EFL1: variants seen among roughly 807,000 people sequenced by gnomAD.
The protein encoded by EFL1 is elongation factor-like GTPase 1.
EFL1 carries 76 observed loss-of-function variants against 126.7 expected under a neutral mutation model. The observed-to-expected ratio is 0.60, with a 90% CI of 0.50 to 0.73. EFL1 has a LOEUF of 0.73. EFL1 is among the 30% of genes least tolerant of loss of function. EFL1 has a pLI of 0.00. For synonymous variants in EFL1, 410 were observed against 448.4 expected, an observed-to-expected ratio of 0.91 and a Z score of 1.08; for missense variants, 1,128 against 1,343.2, an observed-to-expected ratio of 0.84 and a Z score of 2.50.
chr15:82,148,700 C>T (rs2073875258), intron 18 of EFL1, among the ~76,000 whole-genome samples: 1 of 152,060 alleles, frequency 6.6e-6, no homozygotes, highest in Non-Finnish European at 1.5e-5. Flanking sequence ...TCTCCAGGAC[C>T]AGAATTATAT....
chr15:82,136,935 T>C (rs376494708), intron 19 of EFL1, among the ~76,000 whole-genome samples: 4 of 152,260 alleles, frequency 2.6e-5, no homozygotes, highest in African/African-American at 4.8e-5. Context: ...TAAATTACTG[T>C]TAAAACCTAG....
At chr15:82,228,972 C>G in intron 9 of EFL1, 62 bp downstream of exon 9, 1 of 1,387,732 alleles carries the variant, frequency 7.2e-7, no homozygotes, top group Non-Finnish European at 9.9e-7. Flanking sequence ...ACTCATCAAA[C>G]TGGAAAGTGA....
chr15:82,237,767 A>C (rs1354474738), intron 7 of EFL1, among the ~76,000 whole-genome samples: 1 of 151,444 alleles, frequency 6.6e-6, no homozygotes, highest in African/African-American at 2.4e-5. Context: ...AAAACACCAG[A>C]TGTCCTTTAA....
At chr15:82,138,603 A>G (rs2073750107) in intron 19 of EFL1, 55 bp downstream of exon 19, 2 of 1,583,106 alleles carry the variant, frequency 1.3e-6, no homozygotes, top group South Asian at 2.3e-5. Context: ...CCTCCTCTGT[A>G]GGGAATGTAT....
At chr15:82,240,329 T>A in intron 6 of EFL1, 89 bp downstream of exon 6, 1 of 1,319,486 alleles carries the variant, frequency 7.6e-7, no homozygotes, top group South Asian at 1.5e-5. Context: ...AAGTTCCCTT[T>A]TCTGTAGCAA....
intron 19 of EFL1, among the ~76,000 whole-genome samples, chr15:82,130,930 A>G (rs1379032050): frequency 6.6e-6 from 1 of 152,072 alleles, no homozygotes; most frequent in East Asian, 1.9e-4. Context: ...CAGAAGAATC[A>G]CTTGAACTCG....
chr15:82,182,733 G>A (rs1244762186), intron 15 of EFL1, among the ~76,000 whole-genome samples: 1 of 151,978 alleles, frequency 6.6e-6, no homozygotes, highest in East Asian at 1.9e-4. Context: ...TCTGAGGCAG[G>A]AGAATGGCAT....
At chr15:82,218,678 C>G (rs1001259294) in intron 14 of EFL1, among the ~76,000 whole-genome samples, 49 of 152,138 alleles carry the variant, frequency 3.2e-4, no homozygotes, top group African/African-American at 1.0e-3. Flanking sequence ...CTTTCAGACT[C>G]CCATAAAACA....
Position 82,252,843 on chromosome 15 carries a change from T to C in EFL1, c.160-68A>G, listed in dbSNP as rs1215234833. The C allele has an allele frequency of 5.8e-4, 580 of 996,268 alleles. 4 individuals carry two copies. Among genetic ancestry groups the C allele is most frequent in the East Asian group, 5.2e-5 (2 of 38,536 alleles). The allele number at this position is 996,268 out of a possible 1,614,324, so 61.7% of individuals were successfully genotyped here. A position where few individuals can be genotyped will look rare whatever the true frequency, so the allele number is the denominator to read the frequency against. On this transcript the variant is annotated intron_variant, in intron 3 of 19. Coordinates refer to ENST00000268206, the MANE Select transcript of EFL1 (RefSeq NM_024580.6). Reference sequence around the variant, plus strand: ...AAAATGTAACATTAAAATTTGCTAATTTAGATTTTTGTTTTAAATACTTAT... The same window carrying C: ...AAAATGTAACATTAAAATTTGCTAACTTAGATTTTTGTTTTAAATACTTAT...
chr15:82,248,457 A>G (rs1042791606), intron 4 of EFL1, among the ~76,000 whole-genome samples: 3 of 152,272 alleles, frequency 2.0e-5, no homozygotes, highest in Non-Finnish European at 2.9e-5. Flanking sequence ...CAGTGTCTCC[A>G]TGGCCTAGTC....
chr15:82,152,872 A>C (rs943314465), intron 17 of EFL1, among the ~76,000 whole-genome samples: 1 of 152,328 alleles, frequency 6.6e-6, no homozygotes, highest in African/African-American at 2.4e-5. Context: ...AAATCTTCAC[A>C]ATGTATTTGG....
intron 4 of EFL1, among the ~76,000 whole-genome samples, chr15:82,251,676 G>A (rs1285710620): frequency 2.0e-5 from 3 of 152,024 alleles, no homozygotes; most frequent in East Asian, 1.9e-4. Flanking sequence ...ATTAAACATC[G>A]AGAAATCATG....
chr15:82,157,864 G>C lies in EFL1; in HGVS notation c.1883-4C>G. On this transcript the variant is annotated splice_polypyrimidine_tract_variant and splice_region_variant and intron_variant, in intron 16 of 19. Transcript: ENST00000268206. ...TTTACGAGCTGAGGCATTTCACCTA[G>C]GTTAACAAAACGAAATAGATTAAAT... 1 of 1,610,274 alleles carries C rather than the reference G, an allele frequency of 6.2e-7. No homozygotes were observed. The highest frequency in any genetic ancestry group is 8.5e-7 in the Non-Finnish European group (1 of 1,177,592).
At chr15:82,258,829 G>A (rs1488130933) in intron 3 of EFL1, among the ~76,000 whole-genome samples, 1 of 152,158 alleles carries the variant, frequency 6.6e-6, no homozygotes. Context: ...CTCTTGCGCT[G>A]TGAAATCTTC....
chr15:82,227,219 G>T (rs1281912465), intron 11 of EFL1, among the ~76,000 whole-genome samples: 1 of 152,186 alleles, frequency 6.6e-6, no homozygotes, highest in African/African-American at 2.4e-5. Context: ...TGTACAAGTC[G>T]CTGGTCTCAC....
At chr15:82,184,456 G>A (rs2074282825) in intron 15 of EFL1, among the ~76,000 whole-genome samples, 1 of 152,172 alleles carries the variant, frequency 6.6e-6, no homozygotes, top group Non-Finnish European at 1.5e-5. Context: ...TTGCCTGGTG[G>A]AAGTAAGCAT....
At chr15:82,246,070 C>T (rs547969649) in intron 4 of EFL1, among the ~76,000 whole-genome samples, 1 of 152,164 alleles carries the variant, frequency 6.6e-6, no homozygotes, top group African/African-American at 2.4e-5. Flanking sequence ...CTTCCTCCAA[C>T]ATGAAACTAG....
At position 82,228,241 on chromosome 15, in the gene EFL1, T is replaced by C. The variant is rs772167610; in HGVS notation, c.1019A>G (p.Gln340Arg). ...REARHSDPKV[Q>R]INAICSQWLP... is the part of the protein sequence containing the mutation. ...CCACTGACTGCAAATGGCGTTGATC[T>C]GAACTTTAGGGTCTGAATGTCGTGC... The change falls in exon 10 of 20, where the codon CAG becomes CGG. Residue 340 changes from glutamine (Q) to arginine (R), a missense_variant. Gln to Arg is a conservative substitution (Grantham distance 43). This residue lies in a region of EFL1 where 316 missense variants were observed against 318.5 expected (regional missense o/e 0.99). Coordinates refer to ENST00000268206, the MANE Select transcript of EFL1 (RefSeq NM_024580.6). 4 of 1,613,992 alleles carry C rather than the reference T, an allele frequency of 2.5e-6. No homozygotes were observed. The South Asian group carries it at 3.3e-5, about 13-fold the overall frequency.
At chr15:82,138,923 T>C (rs900070776) in intron 18 of EFL1, 81 bp from the exon 19 acceptor site, 3 of 1,252,516 alleles carry the variant, frequency 2.4e-6, no homozygotes, top group African/African-American at 3.0e-5. Flanking sequence ...CCATATACTC[T>C]GTAACAATCC....
Sources: gnomAD v4.1 joint callset for allele counts (sites outside exome capture counted in the v4.1 genomes callset) on GRCh38, gnomAD v4.1.1 for gene constraint, gnomAD v4.1.1 regional missense constraint, MANE v1.5 for transcripts, NCBI Gene and HGNC (gene_info 2026-07-23, HGNC 2026-07-21) for gene names.